The following PRKAR1A variants were observed in gnomAD, a reference collection of about 807,000 sequenced individuals.
The protein encoded by PRKAR1A is protein kinase cAMP-dependent type I regulatory subunit alpha, also known as cAMP-dependent protein kinase type I-alpha regulatory subunit.
Under a neutral mutation model 52.0 loss-of-function variants are expected in PRKAR1A, and 3 were observed. The ratio of observed to expected loss-of-function variants is 0.06; its 90% CI spans 0.03 to 0.15. The LOEUF is 0.15. Among genes scored for constraint, PRKAR1A ranks in the 10% least tolerant of loss-of-function variants. The pLI is 1.00. For synonymous variants in PRKAR1A, 188 were observed against 168.4 expected (o/e 1.12, Z -0.90); for missense variants, 240 against 477.4 (o/e 0.50, Z 4.63).
the PRKAR1A span, chr17:68,430,227 A>C: frequency 1.6e-5 from 24 of 1,512,734 alleles, no homozygotes; most frequent in Non-Finnish European, 2.1e-5. Context: ...AGGAATCTCC[A>C]CACCCAAGCG....
At chr17:68,505,048 A>G in the PRKAR1A span, among the ~76,000 whole-genome samples, 1 of 152,242 alleles carries the variant, frequency 6.6e-6, no homozygotes, top group Non-Finnish European at 1.5e-5. Flanking sequence ...CTGTAATCCC[A>G]GTAATTTGGG....
At chr17:68,527,261 A>AG (rs1431648784) in intron 7 of PRKAR1A, among the ~76,000 whole-genome samples, 1 of 152,154 alleles carries the variant, frequency 6.6e-6, no homozygotes, top group Non-Finnish European at 1.5e-5. Context: ...TGGGTAGGGG[A>AG]GGATATGGTC....
At chr17:68,453,837 T>C in the PRKAR1A span, among the ~76,000 whole-genome samples, 1 of 152,178 alleles carries the variant, frequency 6.6e-6, no homozygotes, top group Admixed American at 6.5e-5. Context: ...AGATGCTTCC[T>C]TTCATCAGTT....
chr17:68,523,943 A>G (rs1360230020), intron 4 of PRKAR1A, 73 bp from the exon 5 acceptor site: 17 of 1,595,726 alleles, frequency 1.1e-5, no homozygotes, highest in Non-Finnish European at 1.5e-5. Context: ...GGGGTCTTTA[A>G]TTCTAAGCTT....
the PRKAR1A span, among the ~76,000 whole-genome samples, chr17:68,444,839 C>T: frequency 6.6e-6 from 1 of 151,654 alleles, no homozygotes; most frequent in African/African-American, 2.4e-5. Context: ...TACTTCTCTC[C>T]TTCCTTCTTC....
chr17:68,438,162 GC>G, the PRKAR1A span, among the ~76,000 whole-genome samples: 7 of 152,276 alleles, frequency 4.6e-5, no homozygotes, highest in African/African-American at 1.7e-4. Flanking sequence ...TGAGTCCACA[GC>G]AGGGCTGTCC....
At chr17:68,495,366 G>A in the PRKAR1A span, among the ~76,000 whole-genome samples, 3 of 152,096 alleles carry the variant, frequency 2.0e-5, no homozygotes, top group African/African-American at 7.2e-5. Context: ...ACCAACTATA[G>A]TCTTTACCTT....
At chr17:68,514,914 C>T (rs1000785677) in intron 1 of PRKAR1A, 1 of 190,392 alleles carries the variant, frequency 5.3e-6, no homozygotes, top group African/African-American at 2.4e-5. Flanking sequence ...CGTTAGGATA[C>T]TCCCATGGGA....
the PRKAR1A span, among the ~76,000 whole-genome samples, chr17:68,464,552 G>A: frequency 5.3e-5 from 8 of 152,062 alleles, no homozygotes; most frequent in East Asian, 3.9e-4. Context: ...GTGGTGGCAC[G>A]TGCCTGTAGT....
the PRKAR1A span, chr17:68,420,546 AAC>A: frequency 1.5e-5 from 22 of 1,455,396 alleles, no homozygotes; most frequent in African/African-American, 3.1e-4. Flanking sequence ...CCTCTTTACA[AAC>A]ACACGCTTTA....
the PRKAR1A span, chr17:68,452,898 A>T: frequency 1.9e-6 from 3 of 1,612,544 alleles, no homozygotes; most frequent in Non-Finnish European, 2.5e-6. Context: ...GGTCTCTCTC[A>T]CACACACTTA....
intron 11 of PRKAR1A, among the ~76,000 whole-genome samples, chr17:68,538,689 A>G (rs1478683540): frequency 1.3e-5 from 2 of 152,246 alleles, no homozygotes; most frequent in African/African-American, 4.8e-5. Context: ...GCCGATATGA[A>G]TGCTGGGCAA....
Position 68,525,782 on chromosome 17 carries a change from G to C in PRKAR1A, c.578G>C (p.Ser193Thr), listed in dbSNP as rs2085770954. The change falls in exon 7 of 11, where the codon AGT becomes ACT. Residue 193 changes from serine to threonine, a missense_variant. Coordinates refer to ENST00000589228, the MANE Select transcript of PRKAR1A (RefSeq NM_002734.5). ...DVYVNNEWAT[S>T]VGEGGSFGEL... ...TATGTTAACAATGAATGGGCAACCA[G>C]TGTTGGGGAAGGAGGGAGCTTTGGA... is the stretch of plus-strand genomic sequence containing the variant. The C allele has an allele frequency of 6.2e-7, 1 of 1,613,896 alleles. No homozygotes were observed.
intron 11 of PRKAR1A, chr17:68,542,285 A>AAAG (rs554192643): frequency 2.0e-5 from 22 of 1,077,932 alleles, no homozygotes; most frequent in Non-Finnish European, 3.0e-5. Flanking sequence ...TCGGGAAGAG[A>AAAG]AAGAAGAAGA....
chr17:68,533,349 C>T lies in PRKAR1A; in HGVS notation c.*2900C>T. The T allele has an allele frequency of 2.8e-6, 3 of 1,062,224 alleles. No homozygotes were observed. The highest frequency in any genetic ancestry group is 3.4e-6 in the Non-Finnish European group (3 of 877,206). The allele number at this position is 1,062,224 out of a possible 1,614,324, so 65.8% of individuals were successfully genotyped here. On this transcript the variant is annotated 3_prime_UTR_variant, in exon 11 of 11. Transcript: ENST00000589228. The stretch of plus-strand genomic sequence containing the variant: ...ATTGTGTTGCTTTGAACATGTGTAC[C>T]TTTTCTAGATTCAGTAATCCCTTCC...
chr17:68,452,780 A>T, the PRKAR1A span: 1 of 698,176 alleles, frequency 1.4e-6, no homozygotes. Context: ...TAAATCTAAA[A>T]ATCTTGACTC....
At chr17:68,483,357 T>G in the PRKAR1A span, among the ~76,000 whole-genome samples, 1 of 152,230 alleles carries the variant, frequency 6.6e-6, no homozygotes, top group Admixed American at 6.5e-5. Context: ...GGCCAGCCCC[T>G]GTAATCCCAG....
At chr17:68,457,971 A>G in the PRKAR1A span, among the ~76,000 whole-genome samples, 1 of 152,126 alleles carries the variant, frequency 6.6e-6, no homozygotes, top group Non-Finnish European at 1.5e-5. Flanking sequence ...CAAGGGTGAC[A>G]GGAGGACGCG....
At chr17:68,530,088 C>G in intron 10 of PRKAR1A, 87 bp downstream of exon 10, 5 of 1,527,638 alleles carry the variant, frequency 3.3e-6, no homozygotes, top group Non-Finnish European at 4.5e-6. Context: ...ATTTTGTCTT[C>G]TCCTGAATTT....
Sources: gnomAD v4.1 joint callset for allele counts (sites outside exome capture counted in the v4.1 genomes callset) on GRCh38, gnomAD v4.1.1 for gene constraint, MANE v1.5 for transcripts, NCBI Gene and HGNC (gene_info 2026-07-23, HGNC 2026-07-21) for gene names.